The following GABRA4 variants were observed in gnomAD, a reference collection of about 807,000 sequenced individuals.
GABRA4 encodes gamma-aminobutyric acid receptor subunit alpha-4.
GABRA4 carries 12 observed loss-of-function variants against 49.7 expected under a neutral mutation model. The ratio of observed to expected loss-of-function variants is 0.24; its 90% confidence interval spans 0.15 to 0.39. The LOEUF (loss-of-function observed/expected upper bound fraction) is 0.39. GABRA4 is among the 10% of genes least tolerant of loss of function. The pLI is 1.00. For synonymous variants in GABRA4, 288 were observed against 240.2 expected (o/e 1.20, Z -1.84); for missense variants, 506 against 686.0 (o/e 0.74, Z 2.93).
chr4:46,940,642 T>C (rs1198722041), intron 8 of GABRA4, among the ~76,000 whole-genome samples: 1 of 152,114 alleles, frequency 6.6e-6, no homozygotes, highest in East Asian at 1.9e-4. Context: ...CCATCTATAG[T>C]AAAACAGCAC....
At chr4:46,984,272 C>T (rs1263922384) in intron 2 of GABRA4, among the ~76,000 whole-genome samples, 1 of 152,050 alleles carries the variant, frequency 6.6e-6, no homozygotes, top group Non-Finnish European at 1.5e-5. Flanking sequence ...CATCCACCAT[C>T]ATCTTACAAA....
chr4:46,957,446 T>C (rs1254507576), intron 8 of GABRA4, among the ~76,000 whole-genome samples: 1 of 151,948 alleles, frequency 6.6e-6, no homozygotes. Context: ...AGACTAGTTA[T>C]GGTTAGGGTA....
intron 2 of GABRA4, 123 bp from the exon 3 acceptor site, chr4:46,979,221 T>A: frequency 1.6e-6 from 1 of 624,304 alleles, no homozygotes; most frequent in Non-Finnish European, 2.8e-6. Flanking sequence ...ATCTTACATT[T>A]TCAGTGAGAT....
Position 46,993,349 on chromosome 4 carries a change from G to T in GABRA4, c.76C>A (p.Leu26Met), listed in dbSNP as rs2229940. 559,375 of 1,613,400 alleles carry T rather than the reference G, an allele frequency of 0.35. 99,592 individuals are homozygous for T. Among genetic ancestry groups the T allele is most frequent in the Middle Eastern group, 0.38 (2,302 of 6,062 alleles). ...VSFALLRFLCLAVCLNESPGQ... is the reference protein window; with the variant it reads ...VSFALLRFLCMAVCLNESPGQ... ...CCCCAGAGAACTCACCAAACCGCCA[G>T]GCACAGGAAGCGCAGGAGGGCGAAA... Residue 26 changes from leucine (L) to methionine (M), a missense_variant, in exon 1 of 9, where the codon CTG becomes ATG. Coordinates refer to ENST00000264318, the MANE Select transcript of GABRA4 (RefSeq NM_000809.4).
rs759517705 is a variant in GABRA4, at chr4:46,928,469, G to T, written c.1421C>A (p.Ser474Tyr). ...MPRKASVGSA[S>Y]TRHVFGSRLQ... is the part of the protein sequence containing the mutation. ...TCTTGATCCAAACACGTGACGAGTA[G>T]AAGCAGATCCAACTGAAGCCTTTCG... The change falls in exon 9 of 9, where the codon TCT (serine) becomes TAT (tyrosine). Residue 474 changes from serine to tyrosine, a missense_variant. Transcript: ENST00000264318. 6.2e-7 allele frequency: 1 copy of T among 1,613,718 alleles called. No homozygotes were observed. Among genetic ancestry groups the T allele is most frequent in the African/African-American group, 1.3e-5 (1 of 75,034 alleles).
At chr4:46,980,954 A>G (rs550538045) in intron 2 of GABRA4, among the ~76,000 whole-genome samples, 1 of 152,252 alleles carries the variant, frequency 6.6e-6, no homozygotes, top group South Asian at 2.1e-4. Flanking sequence ...TGTCCTGACA[A>G]CTAGACTATT....
At chr4:46,967,768 A>G (rs2109379699) in intron 7 of GABRA4, among the ~76,000 whole-genome samples, 1 of 151,798 alleles carries the variant, frequency 6.6e-6, no homozygotes, top group South Asian at 2.1e-4. Context: ...CCCTGCATTT[A>G]GCATGCTGAA....
chr4:46,932,332 CACTGGAAGTCATACAGCAAGTT>C (rs1721466249), intron 8 of GABRA4, among the ~76,000 whole-genome samples: 1 of 152,124 alleles, frequency 6.6e-6, no homozygotes, highest in South Asian at 2.1e-4. Flanking sequence ...GGTTACAGGT[CACTGGAAGTCATACAGCAAGTT>C]ACTTACTTGG....
Position 46,926,220 on chromosome 4 carries a change from A to G in GABRA4, c.*2005T>C, listed in dbSNP as rs1176128711. ...ATTGTGCTTCCAACCATATTTCCAA[A>G]CATCGTCCTCAAGGCCAGAAATCTA... On this transcript the variant is annotated 3_prime_UTR_variant, in exon 9 of 9. Coordinates refer to ENST00000264318, the MANE Select transcript of GABRA4 (RefSeq NM_000809.4). The G allele has an allele frequency of 1.3e-5, 2 of 151,934 alleles. No individual in the cohort carries two copies. The highest frequency in any genetic ancestry group is 2.9e-5 in the Non-Finnish European group (2 of 67,896). The allele number at this position is 151,934 out of a possible 1,614,324, so 9.4% of individuals were successfully genotyped here.
intron 8 of GABRA4, among the ~76,000 whole-genome samples, chr4:46,952,667 C>T (rs1427155472): frequency 2.0e-5 from 3 of 151,858 alleles, no homozygotes; most frequent in Non-Finnish European, 4.4e-5. Context: ...GTCAAATACA[C>T]CAGAAGGAAT....
At chr4:46,934,282 G>C (rs964296311) in intron 8 of GABRA4, among the ~76,000 whole-genome samples, 1 of 152,134 alleles carries the variant, frequency 6.6e-6, no homozygotes, top group Non-Finnish European at 1.5e-5. Context: ...AGGACTTCAT[G>C]GGTAAGCCAC....
In GABRA4 at chr4:46,952,894, A is replaced by G. The variant is rs911718982; in HGVS notation, c.1134+12076T>C. Among the ~76,000 whole-genome samples, 5 of 151,138 alleles carry G rather than the reference A, an allele frequency of 3.3e-5. No individual in the cohort carries two copies. In the East Asian group the frequency reaches 9.7e-4, roughly 29 times the overall value. ...CAGAAAAAAACCTTTTAATAACAAA[A>G]TTTCACCAATGGAAATGTGTAGTTT... On this transcript the variant is annotated intron_variant, in intron 8 of 8. Coordinates refer to ENST00000264318, the MANE Select transcript of GABRA4 (RefSeq NM_000809.4).
chr4:46,940,603 C>T (rs1400643387), intron 8 of GABRA4, among the ~76,000 whole-genome samples: 1 of 151,908 alleles, frequency 6.6e-6, no homozygotes, highest in Non-Finnish European at 1.5e-5. Context: ...TTGAATTAGC[C>T]TATTAACACG....
At chr4:46,962,036 A>G (rs540377943) in intron 8 of GABRA4, among the ~76,000 whole-genome samples, 48 of 151,864 alleles carry the variant, frequency 3.2e-4, no homozygotes, top group Non-Finnish European at 1.8e-4. Flanking sequence ...GGCTTTCCAC[A>G]TTGTCTTAGA....
chr4:46,927,098 T>A lies in GABRA4; in HGVS notation c.*1127A>T, dbSNP rs1454943216. On this transcript the variant is annotated 3_prime_UTR_variant, in exon 9 of 9. Transcript: ENST00000264318. ...GTTCCTATGTCTGATGATTCTGTGA[T>A]TCTGATCAAATTCTACTCTGTGACT... 1 of 152,002 alleles carries A rather than the reference T, an allele frequency of 6.6e-6. No individual in the cohort carries two copies. The highest frequency in any genetic ancestry group is 1.5e-5 in the Non-Finnish European group (1 of 67,922). The allele number at this position is 152,002 out of a possible 1,614,324, so 9.4% of individuals were successfully genotyped here.
intron 2 of GABRA4, among the ~76,000 whole-genome samples, chr4:46,980,748 C>G (rs573375590): frequency 2.0e-5 from 3 of 152,110 alleles, no homozygotes; most frequent in African/African-American, 7.2e-5. Context: ...CCAGGAATAG[C>G]TAGGTAATCC....
rs1389132212 is a variant in GABRA4 at position 46,923,239 on chromosome 4, G to A, written c.*4986C>T. 6.6e-6 allele frequency: 1 copy of A among 151,618 alleles called. No individual in the cohort carries two copies. The highest frequency in any genetic ancestry group is 2.4e-5 in the African/African-American group (1 of 41,278). 9.4% of individuals were successfully genotyped at this position (151,618 alleles called of 1,614,324 possible). On this transcript the variant is annotated 3_prime_UTR_variant, in exon 9 of 9. Transcript: ENST00000264318. ...TTCCTGAAATAAAGATTGAAACCTG[G>A]GATAAAAAGCTCTGACTCTCTAAAT...
chr4:46,984,322 G>A (rs1194493369), intron 2 of GABRA4, among the ~76,000 whole-genome samples: 1 of 151,892 alleles, frequency 6.6e-6, no homozygotes, highest in Admixed American at 6.6e-5. Context: ...ACACTTGAAG[G>A]GATACAACAA....
intron 8 of GABRA4, among the ~76,000 whole-genome samples, chr4:46,959,354 A>G (rs1343282187): frequency 1.3e-5 from 2 of 151,904 alleles, no homozygotes; most frequent in Non-Finnish European, 2.9e-5. Flanking sequence ...CATTACACAT[A>G]CATAGTCACA....
Sources: allele counts gnomAD v4.1 joint callset (sites outside exome capture counted in the v4.1 genomes callset), GRCh38; gene constraint gnomAD v4.1.1; transcripts MANE v1.5; gene names NCBI Gene and HGNC (gene_info 2026-07-23, HGNC 2026-07-21).